Variants in CASP10 observed in about 807,000 individuals in gnomAD.
CASP10 encodes caspase-10.
In CASP10, 41 loss-of-function variants were observed where a neutral mutation model predicts 48.5. The ratio of observed to expected loss-of-function variants is 0.85; its 90% CI spans 0.66 to 1.10. CASP10 has a LOEUF of 1.10. CASP10 is among the 50% of genes least tolerant of loss of function. The pLI, the probability that CASP10 is intolerant of heterozygous loss-of-function variation, is 0.00. For synonymous variants in CASP10, 232 were observed against 238.4 expected, an observed-to-expected ratio of 0.97 and a Z score of 0.25; for missense variants, 614 against 614.5, an observed-to-expected ratio of 1.00 and a Z score of 0.01.
exon 10 of CASP10, chr2:201,229,243 G>A: frequency 1.3e-6 from 1 of 760,320 alleles, no homozygotes; most frequent in East Asian, 2.5e-5. Flanking sequence ...TTCCCTTACT[G>A]TTTCACGTGT....
chr2:201,209,580 T>A lies in CASP10; in HGVS notation c.1415+18T>A, dbSNP rs111608359. The stretch of plus-strand genomic sequence containing the variant: ...GTCCCAAGGTGAGAGCTCTTTTTTT[T>A]CTTCCATTTGTAATTAATTAGTTTT... On this transcript the variant is annotated intron_variant, in intron 9 of 9. Transcript: ENST00000286186. The A allele has an allele frequency of 2.4e-3, 3,867 of 1,595,876 alleles. 6 individuals are homozygous for A. The highest frequency in any genetic ancestry group is 2.6e-3 in the Non-Finnish European group (3,092 of 1,173,714).
At chr2:201,196,072 TCTC>T in intron 5 of CASP10, 124 bp downstream of exon 5, 1 of 696,766 alleles carries the variant, frequency 1.4e-6, no homozygotes, top group Non-Finnish European at 2.6e-6. Context: ...TTGTAAATGG[TCTC>T]ACCATGGTGA....
intron 5 of CASP10, chr2:201,200,560 A>G: frequency 6.3e-7 from 1 of 1,593,802 alleles, no homozygotes; most frequent in South Asian, 1.1e-5. Context: ...GCAGGCAATC[A>G]GGACATGACA....
chr2:201,206,054 G>GCT (rs1277704118), intron 7 of CASP10, 81 bp downstream of exon 7: 13 of 812,060 alleles, frequency 1.6e-5, no homozygotes, highest in Non-Finnish European at 2.7e-5. Flanking sequence ...TTCTTTAGGG[G>GCT]CTCTCTCCCT....
chr2:201,186,075 G>C lies in CASP10; in HGVS notation c.298G>C (p.Glu100Gln). 1 of 1,612,514 alleles carries C rather than the reference G, an allele frequency of 6.2e-7. No homozygotes were observed. The highest frequency in any genetic ancestry group is 1.1e-5 in the South Asian group (1 of 91,016). ...GCTGCAGCACCTCAACTGTACCAAAGAGGAAGTGGAGCGACTGCTGCCCAC... is the reference window on the plus strand; with the variant it reads ...GCTGCAGCACCTCAACTGTACCAAACAGGAAGTGGAGCGACTGCTGCCCAC... ...KLLQHLNCTK[E>Q]EVERLLPTRQ... The change falls in exon 2 of 10, where the codon GAG becomes CAG. Residue 100 changes from glutamate (E) to glutamine (Q), a missense_variant. Physicochemically the swap from Glu to Gln is conservative, Grantham distance 29. Transcript: ENST00000286186.
intron 9 of CASP10, among the ~76,000 whole-genome samples, chr2:201,209,956 G>T (rs969967953): frequency 2.0e-5 from 3 of 152,232 alleles, no homozygotes; most frequent in Non-Finnish European, 4.4e-5. Flanking sequence ...AGTGCACATT[G>T]TGAAGTATAG....
At chr2:201,187,542 A>G (rs995217213) in intron 2 of CASP10, 164 bp from the exon 3 acceptor site, 27 of 685,012 alleles carry the variant, frequency 3.9e-5, no homozygotes, top group African/African-American at 3.7e-4. Flanking sequence ...AGTCACTTAG[A>G]AACTGAAAGT....
chr2:201,224,999 A>G (rs780393832), downstream of CASP10, among the ~76,000 whole-genome samples: 3 of 152,036 alleles, frequency 2.0e-5, no homozygotes, highest in Admixed American at 6.5e-5. Flanking sequence ...TGTCCCCCCA[A>G]TCATGCATCC....
Position 201,203,727 on chromosome 2 carries a change from C to A in CASP10, c.685-3C>A. ...TTTCATGCCCTCCTTTCTTTTTTCT[C>A]AGCAGGAGTCCTGGCAAAATAAGCA... On this transcript the variant is annotated splice_polypyrimidine_tract_variant and splice_region_variant and intron_variant, in intron 5 of 9. Coordinates refer to ENST00000286186, the MANE Select transcript of CASP10 (RefSeq NM_032977.4). 6.2e-7 allele frequency: 1 copy of A among 1,613,450 alleles called. No homozygotes were observed. The highest frequency in any genetic ancestry group is 1.1e-5 in the South Asian group (1 of 91,064).
In CASP10 at chr2:201,218,339, G is replaced by C. The variant is rs947028574; in HGVS notation, c.*598G>C. 4.0e-6 allele frequency: 4 copies of C among 989,364 alleles called. 1 individual carries two copies. In the African/African-American group the frequency reaches 7.0e-5, roughly 17 times the overall value. The allele number at this position is 989,364 out of a possible 1,614,324, so 61.3% of individuals were successfully genotyped here. A position where few individuals can be genotyped will look rare whatever the true frequency, so the allele number is the denominator to read the frequency against. ...TTTTTCTTTGAGACAGAGTCACTCC[G>C]TCACCTGGGCTGGAGTGCAGTGGTG... On this transcript the variant is annotated 3_prime_UTR_variant, in exon 10 of 10. Coordinates refer to ENST00000286186, the MANE Select transcript of CASP10 (RefSeq NM_032977.4).
chr2:201,190,095 C>T (rs1171793387), intron 3 of CASP10, among the ~76,000 whole-genome samples: 1 of 152,064 alleles, frequency 6.6e-6, no homozygotes, highest in Non-Finnish European at 1.5e-5. Flanking sequence ...TCTTTGATGG[C>T]TTCTTTACTA....
rs569620920 is a variant in CASP10 at position 201,219,684 on chromosome 2, G to A, written c.*1943G>A. 1.0e-6 allele frequency: 1 copy of A among 982,076 alleles called. No individual in the cohort carries two copies. Among genetic ancestry groups the A allele is most frequent in the African/African-American group, 1.8e-5 (1 of 56,512 alleles). The allele number at this position is 982,076 out of a possible 1,614,324, so 60.8% of individuals were successfully genotyped here. A position where few individuals can be genotyped will look rare whatever the true frequency, so the allele number is the denominator to read the frequency against. ...TTGATGCTTTCTTCATTAAGATTTT[G>A]AGCATTTTTACGTACTTGAGCTTTT... On this transcript the variant is annotated 3_prime_UTR_variant, in exon 10 of 10. Transcript: ENST00000286186.
intron 5 of CASP10, among the ~76,000 whole-genome samples, chr2:201,200,276 C>G (rs41514048): frequency 4.6e-5 from 7 of 152,228 alleles, no homozygotes; most frequent in Admixed American, 4.6e-4. Flanking sequence ...TCCTGCTGCA[C>G]ATGAAAAGTT....
chr2:201,194,350 G>A (rs1239899718), intron 4 of CASP10, among the ~76,000 whole-genome samples: 2 of 152,112 alleles, frequency 1.3e-5, no homozygotes, highest in Non-Finnish European at 2.9e-5. Flanking sequence ...TGACTCTAGT[G>A]TGCAAATTTC....
chr2:201,213,133 A>G (rs1265892212), intron 9 of CASP10: 1 of 152,330 alleles, frequency 6.6e-6, no homozygotes, highest in African/African-American at 2.4e-5. Flanking sequence ...CCTAAGACCA[A>G]TGGATAACTC....
At chr2:201,183,893 T>C (rs182863453) in intron 1 of CASP10, among the ~76,000 whole-genome samples, 64 of 151,014 alleles carry the variant, frequency 4.2e-4, no homozygotes, top group African/African-American at 1.3e-3. Flanking sequence ...TATTTATCTA[T>C]TTATTTATTT....
At chr2:201,190,877 T>G (rs961620232) in intron 3 of CASP10, among the ~76,000 whole-genome samples, 2 of 149,818 alleles carry the variant, frequency 1.3e-5, no homozygotes, top group Non-Finnish European at 3.0e-5. Flanking sequence ...TATTATTATT[T>G]TTAGACAGAG....
chr2:201,205,778 C>G (rs1456399005), intron 6 of CASP10, 104 bp from the exon 7 acceptor site: 2 of 750,198 alleles, frequency 2.7e-6, no homozygotes, highest in Non-Finnish European at 4.9e-6. Context: ...CTCAGGAGGG[C>G]CTTGAGAGAA....
rs749967724 is a variant in CASP10 at position 201,186,053 on chromosome 2, G to A, written c.276G>A (p.Leu92=). The A allele has an allele frequency of 1.4e-5, 22 of 1,612,712 alleles. No individual in the cohort carries two copies. The highest frequency in any genetic ancestry group is 1.6e-5 in the Non-Finnish European group (19 of 1,180,004). Residue 92 remains leucine (L), a synonymous_variant, in exon 2 of 10, where the codon CTG becomes CTA. Transcript: ENST00000286186. ...LLYIIRQKKL[L]QHLNCTKEEV... The stretch of plus-strand genomic sequence containing the variant: ...ATATCATACGGCAGAAGAAGCTGCT[G>A]CAGCACCTCAACTGTACCAAAGAGG...
Sources: allele counts gnomAD v4.1 joint callset (sites outside exome capture counted in the v4.1 genomes callset), GRCh38; gene constraint gnomAD v4.1.1; transcripts MANE v1.5; gene names NCBI Gene and HGNC (gene_info 2026-07-23, HGNC 2026-07-21).